Variants in NRG3 observed in about 807,000 individuals in gnomAD.
The protein encoded by NRG3 is pro-neuregulin-3, membrane-bound isoform.
NRG3 carries 31 observed loss-of-function variants against 66.9 expected under a neutral mutation model. That is an observed-to-expected ratio of 0.46 (90% confidence interval 0.35 to 0.63). NRG3 has a LOEUF of 0.63. NRG3 is among the 20% of genes least tolerant of loss of function. The pLI is 0.00. For missense variants in NRG3, 910 were observed against 878.9 expected, an observed-to-expected ratio of 1.04 and a Z score of -0.45; for synonymous variants, 393 against 359.4, an observed-to-expected ratio of 1.09 and a Z score of -1.06.
At chr10:82,323,336 G>A (rs960921920) in intron 1 of NRG3, among the ~76,000 whole-genome samples, 2 of 152,160 alleles carry the variant, frequency 1.3e-5, no homozygotes, top group African/African-American at 4.8e-5. Context: ...AGTGTATGCT[G>A]GGACCTCAAT....
intron 1 of NRG3, among the ~76,000 whole-genome samples, chr10:82,282,459 G>T (rs939369088): frequency 6.6e-6 from 1 of 151,878 alleles, no homozygotes; most frequent in Non-Finnish European, 1.5e-5. Context: ...GCTCTGCGTA[G>T]GACTCAGGGC....
At chr10:81,963,151 T>TTTTTA (rs745834169) in intron 1 of NRG3, among the ~76,000 whole-genome samples, 4 of 135,496 alleles carry the variant, frequency 3.0e-5, no homozygotes, top group Admixed American at 7.3e-5. Flanking sequence ...TTTTTTTTTT[T>TTTTTA]GAGACGGAGT....
intron 1 of NRG3, among the ~76,000 whole-genome samples, chr10:82,110,159 C>T (rs191728529): frequency 2.0e-5 from 3 of 152,160 alleles, no homozygotes; most frequent in Admixed American, 6.5e-5. Flanking sequence ...GGAATAACCT[C>T]GTTTTGCCAG....
chr10:81,994,555 GCA>G (rs2060861287), intron 1 of NRG3, among the ~76,000 whole-genome samples: 1 of 149,586 alleles, frequency 6.7e-6, no homozygotes, highest in Non-Finnish European at 1.5e-5. Context: ...TTTTTTCCTT[GCA>G]TAAAGGATAG....
intron 1 of NRG3, among the ~76,000 whole-genome samples, chr10:82,262,647 C>T (rs1166599604): frequency 6.6e-6 from 1 of 152,142 alleles, no homozygotes; most frequent in Non-Finnish European, 1.5e-5. Context: ...TCTGTGAACT[C>T]CTTACTTGAT....
At chr10:82,703,056 T>TTC (rs72202035) in intron 2 of NRG3, among the ~76,000 whole-genome samples, 84,779 of 149,484 alleles carry the variant, frequency 0.57, 26,452 homozygotes, top group East Asian at 0.73. Flanking sequence ...TCTTTTGTCT[T>TTC]TCTCTCTCTC....
intron 7 of NRG3, among the ~76,000 whole-genome samples, chr10:82,977,434 C>A (rs1410110953): frequency 6.6e-6 from 1 of 151,874 alleles, no homozygotes; most frequent in East Asian, 1.9e-4. Context: ...CATGGTGAAA[C>A]CTCATCTCTA....
intron 1 of NRG3, among the ~76,000 whole-genome samples, chr10:81,981,004 G>A (rs1399040811): frequency 6.6e-6 from 1 of 152,178 alleles, no homozygotes; most frequent in Non-Finnish European, 1.5e-5. Flanking sequence ...GTTATGGATG[G>A]TTGGGGCTTC....
intron 1 of NRG3, among the ~76,000 whole-genome samples, chr10:82,279,723 G>A (rs887521338): frequency 6.6e-6 from 1 of 152,146 alleles, no homozygotes; most frequent in Admixed American, 6.5e-5. Flanking sequence ...AATATGTGAG[G>A]CTGTCTCCAT....
At chr10:82,129,036 G>A (rs977503110) in intron 1 of NRG3, among the ~76,000 whole-genome samples, 3 of 151,850 alleles carry the variant, frequency 2.0e-5, no homozygotes, top group East Asian at 1.9e-4. Context: ...TCTCAGCCTC[G>A]CAAGTAGCTG....
chr10:82,888,210 A>G (rs1163663081), intron 4 of NRG3, among the ~76,000 whole-genome samples: 1 of 152,150 alleles, frequency 6.6e-6, no homozygotes, highest in Non-Finnish European at 1.5e-5. Context: ...TCTATACTCT[A>G]ACACAGCCAT....
At chr10:81,917,019 C>T (rs1275206501) in intron 1 of NRG3, among the ~76,000 whole-genome samples, 4 of 152,038 alleles carry the variant, frequency 2.6e-5, no homozygotes, top group Non-Finnish European at 4.4e-5. Context: ...TTTATCCAAC[C>T]CCAAAACATA....
intron 1 of NRG3, among the ~76,000 whole-genome samples, chr10:82,183,770 T>C (rs1418106049): frequency 6.6e-6 from 1 of 152,014 alleles, no homozygotes; most frequent in Non-Finnish European, 1.5e-5. Flanking sequence ...ATCTTAAATA[T>C]ACAAAACAAT....
At position 82,062,604 on chromosome 10, in the gene NRG3, C is replaced by CAA. The variant is rs34824198; in HGVS notation, c.823+186450_823+186451dup. On this transcript the variant is annotated intron_variant, in intron 1 of 8. Transcript: ENST00000372141. ...CTAGGGGCAGAGCAAGACTCCATCT[C>CAA]AAAAAAAAAAGAAAAAGAAAAAAAA... Among the ~76,000 whole-genome samples the CAA allele has an allele frequency of 1.4e-3, 202 of 143,252 alleles. 3 individuals carry two copies. In the Middle Eastern group the frequency reaches 0.014, roughly 10 times the overall value. The allele number at this position is 143,252 out of a possible 152,430, so 94.0% of individuals were successfully genotyped here. A position where few individuals can be genotyped will look rare whatever the true frequency, so the allele number is the denominator to read the frequency against.
chr10:81,980,417 TA>T (rs2060291837), intron 1 of NRG3, among the ~76,000 whole-genome samples: 1 of 152,106 alleles, frequency 6.6e-6, no homozygotes, highest in South Asian at 2.1e-4. Flanking sequence ...ATAATAAGAG[TA>T]AAAGTAACTT....
intron 1 of NRG3, among the ~76,000 whole-genome samples, chr10:82,287,231 G>A (rs2079469075): frequency 6.6e-6 from 1 of 151,988 alleles, no homozygotes; most frequent in Admixed American, 6.5e-5. Context: ...TACTGAGTAA[G>A]TTCTCATGGG....
intron 2 of NRG3, among the ~76,000 whole-genome samples, chr10:82,534,542 G>C (rs1390508060): frequency 6.6e-6 from 1 of 152,072 alleles, no homozygotes; most frequent in Non-Finnish European, 1.5e-5. Flanking sequence ...TGGGATTACA[G>C]GTGTGAGCCA....
chr10:81,902,058 G>A (rs951829765), intron 1 of NRG3, among the ~76,000 whole-genome samples: 1 of 152,166 alleles, frequency 6.6e-6, no homozygotes, highest in African/African-American at 2.4e-5. Flanking sequence ...TAGTTACTGG[G>A]TAGAAGAGGT....
chr10:82,218,213 A>G (rs145041645), intron 1 of NRG3, among the ~76,000 whole-genome samples: 1 of 152,358 alleles, frequency 6.6e-6, no homozygotes, highest in East Asian at 1.9e-4. Flanking sequence ...AGGCTATTTT[A>G]TATAAGAATT....
Sources: gnomAD v4.1 joint callset for allele counts (sites outside exome capture counted in the v4.1 genomes callset) on GRCh38, gnomAD v4.1.1 for gene constraint, MANE v1.5 for transcripts, NCBI Gene and HGNC (gene_info 2026-07-23, HGNC 2026-07-21) for gene names.